The following SGCD variants were observed in gnomAD, a reference collection of about 807,000 sequenced individuals.
The protein encoded by SGCD is sarcoglycan delta.
SGCD carries 18 observed loss-of-function variants against 36.6 expected under a neutral mutation model. That is an observed-to-expected ratio of 0.49 (90% CI 0.34 to 0.73). The LOEUF (loss-of-function observed/expected upper bound fraction) is 0.73. Among genes scored for constraint, SGCD ranks in the 30% least tolerant of loss-of-function variants. The probability of loss-of-function intolerance (pLI) is 0.01; values close to 1 mark genes in which losing one functional copy is unlikely to be tolerated. For missense variants in SGCD, 387 were observed against 346.7 expected, an observed-to-expected ratio of 1.12 and a Z score of -0.92; for synonymous variants, 133 against 130.6, an observed-to-expected ratio of 1.02 and a Z score of -0.12.
chr5:156,231,334 C>T (rs183786429), intron 3 of SGCD, among the ~76,000 whole-genome samples: 299 of 152,082 alleles, frequency 2.0e-3, no homozygotes, highest in Middle Eastern at 6.8e-3. Flanking sequence ...CAGAAGTTCG[C>T]AAGAAGCCTG....
chr5:155,897,264 T>C (rs911784300), intron 1 of SGCD, among the ~76,000 whole-genome samples: 4 of 152,192 alleles, frequency 2.6e-5, no homozygotes, highest in African/African-American at 9.6e-5. Flanking sequence ...TATTTATTTA[T>C]CTAAGCAGAA....
intron 2 of SGCD, among the ~76,000 whole-genome samples, chr5:156,119,843 G>A (rs1326529332): frequency 6.6e-6 from 1 of 152,002 alleles, no homozygotes; most frequent in African/African-American, 2.4e-5. Context: ...CATTAGAGAG[G>A]TGTGGTTCAC....
chr5:156,018,345 A>C (rs1216083432), intron 1 of SGCD, among the ~76,000 whole-genome samples: 1 of 152,226 alleles, frequency 6.6e-6, no homozygotes, highest in African/African-American at 2.4e-5. Context: ...TTATAACTAC[A>C]CTATCCCATA....
chr5:156,641,092 A>G (rs775561058), intron 6 of SGCD, among the ~76,000 whole-genome samples: 4 of 152,202 alleles, frequency 2.6e-5, no homozygotes, highest in Non-Finnish European at 5.9e-5. Flanking sequence ...CATTTCCTTA[A>G]AAAGAATTTT....
intron 1 of SGCD, among the ~76,000 whole-genome samples, chr5:156,108,311 T>G (rs1447840890): frequency 6.6e-6 from 1 of 152,184 alleles, no homozygotes; most frequent in African/African-American, 2.4e-5. Flanking sequence ...CAAGCAGTTA[T>G]GTATAGGATT....
At chr5:156,365,285 C>G (rs1051633330) in intron 3 of SGCD, among the ~76,000 whole-genome samples, 3 of 152,224 alleles carry the variant, frequency 2.0e-5, no homozygotes, top group African/African-American at 4.8e-5. Flanking sequence ...GAGGAATTAT[C>G]TATTACCAAA....
intron 7 of SGCD, among the ~76,000 whole-genome samples, chr5:156,672,177 C>G (rs546596514): frequency 6.6e-6 from 1 of 152,294 alleles, no homozygotes; most frequent in South Asian, 2.1e-4. Flanking sequence ...ATCCTAATCC[C>G]TTGCTTGGGA....
intron 1 of SGCD, among the ~76,000 whole-genome samples, chr5:155,911,293 A>ATGTGTGTGTGTG (rs371986965): frequency 2.1e-5 from 3 of 141,604 alleles, no homozygotes; most frequent in South Asian, 2.4e-4. Context: ...AGTATAGTAT[A>ATGTGTGTGTGTG]TGTGTGTGTG....
intron 1 of SGCD, among the ~76,000 whole-genome samples, chr5:156,327,521 T>C (rs1767865480): frequency 6.6e-6 from 1 of 152,246 alleles, no homozygotes; most frequent in Non-Finnish European, 1.5e-5. Flanking sequence ...GTTGTCACCC[T>C]GCTCCAACCA....
In SGCD at chr5:156,483,016, C is replaced by T. The variant is rs190366547; in HGVS notation, c.193-25585C>T. On this transcript the variant is annotated intron_variant, in intron 3 of 8. Transcript: ENST00000337851. ...GATGCTGTTTGTTCCCCCACTCCCC[C>T]TTGTGACAACTAAAAATGTTTCCAG... Among the ~76,000 whole-genome samples the T allele has an allele frequency of 1.1e-3, 165 of 152,088 alleles. 1 individual carries two copies. Among genetic ancestry groups the T allele is most frequent in the African/African-American group, 3.8e-3 (157 of 41,464 alleles).
intron 4 of SGCD, among the ~76,000 whole-genome samples, chr5:156,576,008 T>C (rs895181500): frequency 6.6e-6 from 1 of 152,210 alleles, no homozygotes; most frequent in Non-Finnish European, 1.5e-5. Context: ...CTGTGCCATG[T>C]TGGTGTGCTG....
chr5:155,887,429 C>G (rs901847438), intron 1 of SGCD, among the ~76,000 whole-genome samples: 1 of 152,180 alleles, frequency 6.6e-6, no homozygotes, highest in African/African-American at 2.4e-5. Context: ...AAACTAACTA[C>G]GCAAACTTCT....
At chr5:156,421,816 T>A (rs1415864377) in intron 3 of SGCD, among the ~76,000 whole-genome samples, 1 of 152,242 alleles carries the variant, frequency 6.6e-6, no homozygotes, top group East Asian at 1.9e-4. Context: ...TTTCTGATTA[T>A]GCTCTGGTTT....
At chr5:155,900,137 G>GGTGGGT (rs1756354573) in intron 1 of SGCD, among the ~76,000 whole-genome samples, 1 of 151,902 alleles carries the variant, frequency 6.6e-6, no homozygotes, top group African/African-American at 2.4e-5. Flanking sequence ...TGATTATATA[G>GGTGGGT]GCCATTCTTT....
chr5:156,455,289 C>T (rs1017042117), intron 3 of SGCD, among the ~76,000 whole-genome samples: 10 of 152,124 alleles, frequency 6.6e-5, no homozygotes, highest in African/African-American at 2.2e-4. Flanking sequence ...CAGTCAAGGA[C>T]GCAGGGTCCC....
Position 156,762,462 on chromosome 5 carries a change from G to A in SGCD, c.*3072G>A, listed in dbSNP as rs952419365. 2.0e-5 allele frequency: 3 copies of A among 152,602 alleles called. No homozygotes were observed. The highest frequency in any genetic ancestry group is 7.2e-5 in the African/African-American group (3 of 41,442). 9.5% of individuals were successfully genotyped at this position (152,602 alleles called of 1,614,324 possible). ...TACCTAGGTAAAAGCCTGACATGTG[G>A]CTTTATAATTGTTATGTTACCCAAG... is the stretch of plus-strand genomic sequence containing the variant. On this transcript the variant is annotated 3_prime_UTR_variant, in exon 9 of 9. Coordinates refer to ENST00000337851, the MANE Select transcript of SGCD (RefSeq NM_000337.6).
intron 6 of SGCD, among the ~76,000 whole-genome samples, chr5:156,615,408 C>A (rs1433295397): frequency 1.3e-5 from 2 of 152,114 alleles, no homozygotes; most frequent in African/African-American, 4.8e-5. Context: ...AATTGAAAAA[C>A]ATTTTAATTA....
rs553752989 is a variant in SGCD, at chr5:156,161,558, G to T, written c.-44+37539G>T. Among the ~76,000 whole-genome samples, 196 of 152,004 alleles carry T rather than the reference G, an allele frequency of 1.3e-3. 1 individual carries two copies. Among genetic ancestry groups the T allele is most frequent in the Non-Finnish European group, 1.5e-3 (103 of 68,038 alleles). On this transcript the variant is annotated intron_variant, in intron 3 of 9. Transcript: ENST00000517913. ...TAACTTGCCCAAGGGCACAAAGCTGGTGAATTGCAGAAATAAAACCAAGGC... is the reference window on the plus strand; with the variant it reads ...TAACTTGCCCAAGGGCACAAAGCTGTTGAATTGCAGAAATAAAACCAAGGC...
At chr5:156,277,245 T>C (rs1766341510) in intron 3 of SGCD, among the ~76,000 whole-genome samples, 1 of 152,102 alleles carries the variant, frequency 6.6e-6, no homozygotes, top group Non-Finnish European at 1.5e-5. Context: ...TCAAGGAGGC[T>C]CCTTTCCCTC....
Sources: allele counts gnomAD v4.1 joint callset (sites outside exome capture counted in the v4.1 genomes callset), GRCh38; gene constraint gnomAD v4.1.1; transcripts MANE v1.5; gene names NCBI Gene and HGNC (gene_info 2026-07-23, HGNC 2026-07-21).